Variants in AGBL4 observed in about 807,000 individuals in gnomAD.
AGBL4 encodes the protein AGBL carboxypeptidase 4.
Under a neutral mutation model 66.4 loss-of-function variants are expected in AGBL4, and 58 were observed. That is an observed-to-expected ratio of 0.87 (90% CI 0.71 to 1.09). The LOEUF (loss-of-function observed/expected upper bound fraction) is 1.09. Among genes scored for constraint, AGBL4 ranks in the 50% least tolerant of loss-of-function variants. AGBL4 has a pLI of 0.00. For synonymous variants in AGBL4, 234 were observed against 222.9 expected, an observed-to-expected ratio of 1.05 and a Z score of -0.44; for missense variants, 579 against 631.0, an observed-to-expected ratio of 0.92 and a Z score of 0.88.
In AGBL4 at chr1:49,973,569, TTATATATTGTTATATATTATCC is replaced by T. The variant is rs575880485; in HGVS notation, c.34+50172_34+50193del. On this transcript the variant is annotated intron_variant, in intron 1 of 13. Coordinates refer to ENST00000371839, the MANE Select transcript of AGBL4 (RefSeq NM_032785.4). ...TGATTTCTCTATTTTACATATATAA[TTATATATTGTTATATATTATCC>T]TATATATTGTTATATATGGATTATC... is the stretch of plus-strand genomic sequence containing the variant. 9.6e-4 allele frequency among the ~76,000 whole-genome samples: 143 copies of T among 148,676 alleles called. 1 individual carries two copies. Among genetic ancestry groups the T allele is most frequent in the Admixed American group, 2.8e-3 (41 of 14,850 alleles).
chr1:49,372,244 A>G (rs1644361327), intron 3 of AGBL4, among the ~76,000 whole-genome samples: 2 of 152,168 alleles, frequency 1.3e-5, no homozygotes, highest in African/African-American at 2.4e-5. Context: ...TATCTCGGTT[A>G]AAACATAGTT....
chr1:50,023,343 C>T (rs551844030), intron 1 of AGBL4, among the ~76,000 whole-genome samples: 1 of 152,172 alleles, frequency 6.6e-6, no homozygotes, highest in East Asian at 1.9e-4. Context: ...AGAGTCAGAG[C>T]CTCCTACTCC....
chr1:49,360,085 C>T lies in AGBL4; in HGVS notation c.283-114221G>A, dbSNP rs374478955. 1.6e-3 allele frequency among the ~76,000 whole-genome samples: 236 copies of T among 152,224 alleles called. 1 individual carries two copies. Among genetic ancestry groups the T allele is most frequent in the African/African-American group, 4.8e-3 (201 of 41,550 alleles). Reference sequence around the variant, plus strand: ...TTGGATTAAGTTATGGATCATCTTTCCACCAAGAAGATTTTTCTCCAAAGC... The same window carrying T: ...TTGGATTAAGTTATGGATCATCTTTTCACCAAGAAGATTTTTCTCCAAAGC... On this transcript the variant is annotated intron_variant, in intron 3 of 13. Coordinates refer to ENST00000371839, the MANE Select transcript of AGBL4 (RefSeq NM_032785.4).
chr1:49,583,750 A>AT (rs1444994525), intron 3 of AGBL4, among the ~76,000 whole-genome samples: 1 of 152,188 alleles, frequency 6.6e-6, no homozygotes, highest in Admixed American at 6.5e-5. Context: ...AATTTTTCCT[A>AT]TTTAAAGTGG....
chr1:48,713,287 A>T (rs1208166780), intron 6 of AGBL4, among the ~76,000 whole-genome samples: 2 of 152,112 alleles, frequency 1.3e-5, no homozygotes, highest in Non-Finnish European at 2.9e-5. Flanking sequence ...CTGAGAAGTA[A>T]CCCAGGAGCT....
chr1:48,816,595 G>C (rs1267431001), intron 6 of AGBL4, among the ~76,000 whole-genome samples: 1 of 152,150 alleles, frequency 6.6e-6, no homozygotes, highest in Admixed American at 6.6e-5. Context: ...TCAGGTTTAA[G>C]GGTCAACTCT....
rs533988967 is a variant in AGBL4 at position 48,906,295 on chromosome 1, A to G, written c.595-39065T>C. 4.6e-5 allele frequency among the ~76,000 whole-genome samples: 7 copies of G among 152,316 alleles called. No homozygotes were observed. The East Asian group carries it at 1.3e-3, about 29-fold the overall frequency. The stretch of plus-strand genomic sequence containing the variant: ...CTAGAAAATAAAACTCCTCTTGGAG[A>G]GAGATAAATCATGTACTGATTTTGA... On this transcript the variant is annotated intron_variant, in intron 5 of 13. Coordinates refer to ENST00000371839, the MANE Select transcript of AGBL4 (RefSeq NM_032785.4).
chr1:48,848,354 G>T (rs1193692675), intron 6 of AGBL4, among the ~76,000 whole-genome samples: 1 of 152,088 alleles, frequency 6.6e-6, no homozygotes, highest in Non-Finnish European at 1.5e-5. Context: ...TGTTCTTCAG[G>T]TGAAGCCATA....
intron 6 of AGBL4, among the ~76,000 whole-genome samples, chr1:48,816,042 G>C (rs1168901985): frequency 9.1e-6 from 1 of 109,366 alleles, no homozygotes; most frequent in Admixed American, 1.1e-4. Flanking sequence ...TTGAGGAACT[G>C]TTTTGTGTGT....
intron 5 of AGBL4, among the ~76,000 whole-genome samples, chr1:49,024,133 C>T (rs1431878590): frequency 6.6e-6 from 1 of 152,112 alleles, no homozygotes; most frequent in East Asian, 1.9e-4. Context: ...AAAGAAATTA[C>T]AGATAATCAT....
intron 1 of AGBL4, among the ~76,000 whole-genome samples, chr1:49,892,256 A>C (rs903163537): frequency 6.6e-6 from 1 of 152,192 alleles, no homozygotes; most frequent in Non-Finnish European, 1.5e-5. Flanking sequence ...GTCAATTTTA[A>C]TATGTATTCT....
chr1:49,016,200 C>T (rs1247851525), intron 5 of AGBL4, among the ~76,000 whole-genome samples: 1 of 152,178 alleles, frequency 6.6e-6, no homozygotes, highest in East Asian at 1.9e-4. Context: ...GCTCTGGAGT[C>T]ATCAGGGGCA....
intron 1 of AGBL4, among the ~76,000 whole-genome samples, chr1:50,003,873 G>T (rs940543868): frequency 1.3e-5 from 2 of 152,168 alleles, no homozygotes; most frequent in African/African-American, 4.8e-5. Flanking sequence ...GGTGGAGCCA[G>T]ACAGCTAAAT....
chr1:49,105,280 C>T (rs577656682), intron 4 of AGBL4, among the ~76,000 whole-genome samples: 17 of 152,254 alleles, frequency 1.1e-4, no homozygotes, highest in African/African-American at 3.9e-4. Flanking sequence ...CCAAGAAGCT[C>T]TCTCAAGCAC....
chr1:48,776,542 C>T, intron 6 of AGBL4: 2 of 1,223,174 alleles, frequency 1.6e-6, no homozygotes, highest in South Asian at 1.8e-5. Flanking sequence ...CCCGGGCCCC[C>T]GGCCCCTCCC....
chr1:49,041,094 A>T (rs1398641671), intron 5 of AGBL4, among the ~76,000 whole-genome samples: 1 of 152,102 alleles, frequency 6.6e-6, no homozygotes, highest in Non-Finnish European at 1.5e-5. Flanking sequence ...TGGATGATAT[A>T]ATTAGTACCA....
intron 3 of AGBL4, among the ~76,000 whole-genome samples, chr1:49,492,720 T>C (rs1233395850): frequency 6.6e-6 from 1 of 151,948 alleles, no homozygotes; most frequent in Non-Finnish European, 1.5e-5. Context: ...CAGGAGCTTT[T>C]CATCTCTATT....
intron 5 of AGBL4, among the ~76,000 whole-genome samples, chr1:48,899,650 A>G (rs768416268): frequency 2.7e-5 from 4 of 149,976 alleles, no homozygotes; most frequent in Non-Finnish European, 5.9e-5. Flanking sequence ...TTATGCATCA[A>G]CTCAGGCCTG....
At chr1:49,996,055 GT>G (rs1165690573) in intron 1 of AGBL4, 1 of 152,182 alleles carries the variant, frequency 6.6e-6, no homozygotes, top group African/African-American at 2.4e-5. Context: ...ACACAAGAAT[GT>G]GAACAGCAGC....
Sources: allele counts gnomAD v4.1 joint callset (sites outside exome capture counted in the v4.1 genomes callset), GRCh38; gene constraint gnomAD v4.1.1; transcripts MANE v1.5; gene names NCBI Gene and HGNC (gene_info 2026-07-23, HGNC 2026-07-21).